Variants in MAN1A2 observed in about 807,000 individuals in gnomAD.
MAN1A2 encodes mannosyl-oligosaccharide 1,2-alpha-mannosidase IB.
In MAN1A2, 26 loss-of-function variants were observed where a neutral mutation model predicts 75.7. The ratio of observed to expected loss-of-function variants is 0.34; its 90% confidence interval spans 0.25 to 0.48. The LOEUF is 0.48. MAN1A2 is among the 20% of genes least tolerant of loss of function. The probability of loss-of-function intolerance (pLI) is 0.99; values close to 1 mark genes in which losing one functional copy is unlikely to be tolerated. For synonymous variants in MAN1A2, 247 were observed against 264.6 expected, an observed-to-expected ratio of 0.93 and a Z score of 0.65; for missense variants, 562 against 775.5, an observed-to-expected ratio of 0.72 and a Z score of 3.27.
At chr1:117,483,460 T>G (rs1191054585) in intron 8 of MAN1A2, among the ~76,000 whole-genome samples, 1 of 152,114 alleles carries the variant, frequency 6.6e-6, no homozygotes, top group African/African-American at 2.4e-5. Flanking sequence ...TTCACATCCC[T>G]TGTAAGTTGG....
Position 117,502,926 on chromosome 1 carries a change from A to T in MAN1A2, c.1749A>T (p.Thr583=). ...AAGATGTATATTCCTCTACTCCTAC[A>T]CATGATGATGTACAGCAGAGCTTTT... ...GVKDVYSSTP[T]HDDVQQSFFL... Residue 583 remains threonine (T), a synonymous_variant, in exon 12 of 13, where the codon ACA becomes ACT. Transcript: ENST00000356554. 5 of 1,607,442 alleles carry T rather than the reference A, an allele frequency of 3.1e-6. No individual in the cohort carries two copies. The highest frequency in any genetic ancestry group is 4.3e-6 in the Non-Finnish European group (5 of 1,176,150).
chr1:117,398,545 G>T (rs1647293218), intron 1 of MAN1A2, among the ~76,000 whole-genome samples: 2 of 152,068 alleles, frequency 1.3e-5, no homozygotes, highest in Admixed American at 6.6e-5. Flanking sequence ...GTGGTGGCGT[G>T]TGCCTGTAGT....
At chr1:117,401,299 C>A (rs533152382) in intron 1 of MAN1A2, among the ~76,000 whole-genome samples, 48 of 152,236 alleles carry the variant, frequency 3.2e-4, no homozygotes, top group African/African-American at 1.1e-3. Context: ...ATTTTACATT[C>A]TCACTAGCAA....
intron 6 of MAN1A2, among the ~76,000 whole-genome samples, chr1:117,446,183 A>G (rs768727319): frequency 6.6e-6 from 1 of 151,322 alleles, no homozygotes; most frequent in Non-Finnish European, 1.5e-5. Flanking sequence ...TTTTCTCTTT[A>G]CTAGTTTAAT....
chr1:117,494,791 C>T (rs968167297), intron 9 of MAN1A2: 1 of 151,882 alleles, frequency 6.6e-6, no homozygotes, highest in Non-Finnish European at 1.5e-5. Context: ...ATTCTTAGAA[C>T]CATATTGTTG....
rs1391654996 is a variant in MAN1A2, at chr1:117,471,861, T to C, written c.1168+5434T>C. ...TATACCATAAGGTGTCATATTCAGA[T>C]ACTGAGAAGAAACCGGATCAGGTTT... On this transcript the variant is annotated intron_variant, in intron 8 of 12. Transcript: ENST00000356554. Among the ~76,000 whole-genome samples, 3 of 151,952 alleles carry C rather than the reference T, an allele frequency of 2.0e-5. No individual in the cohort carries two copies. In the South Asian group the frequency reaches 6.2e-4, roughly 31 times the overall value.
Position 117,429,056 on chromosome 1 carries a change from C to T in MAN1A2, c.855+8407C>T, listed in dbSNP as rs558601580. Among the ~76,000 whole-genome samples, 188 of 147,116 alleles carry T rather than the reference C, an allele frequency of 1.3e-3. 2 individuals carry two copies. The highest frequency in any genetic ancestry group is 3.7e-3 in the African/African-American group (148 of 39,738). On this transcript the variant is annotated intron_variant, in intron 5 of 12. Transcript: ENST00000356554. ...CTGTTTAACAAAGCATATCTTGCAC[C>T]GCCCTTAATCCATTTAACCCTGAGT...
intron 5 of MAN1A2, among the ~76,000 whole-genome samples, chr1:117,426,007 AGGTCTATT>A (rs1648359466): frequency 6.6e-6 from 1 of 152,080 alleles, no homozygotes; most frequent in Non-Finnish European, 1.5e-5. Context: ...TTTATAGTAT[AGGTCTATT>A]GGTAGTGAGT....
At chr1:117,517,408 T>C (rs1350281336) in intron 12 of MAN1A2, among the ~76,000 whole-genome samples, 1 of 152,268 alleles carries the variant, frequency 6.6e-6, no homozygotes, top group East Asian at 1.9e-4. Context: ...ATGATAACTA[T>C]GTTCCCTCTA....
intron 3 of MAN1A2, among the ~76,000 whole-genome samples, chr1:117,413,579 G>A (rs1647891339): frequency 6.6e-6 from 1 of 151,678 alleles, no homozygotes; most frequent in South Asian, 2.1e-4. Context: ...AGAGTTTTGG[G>A]GTATAAATCA....
At chr1:117,460,810 GA>G (rs1649793951) in intron 7 of MAN1A2, among the ~76,000 whole-genome samples, 198 bp downstream of exon 7, 1 of 152,114 alleles carries the variant, frequency 6.6e-6, no homozygotes, top group Non-Finnish European at 1.5e-5. Flanking sequence ...ATTGTTATTT[GA>G]GAAGTTATAA....
At chr1:117,387,645 A>G (rs1653580414) in intron 1 of MAN1A2, among the ~76,000 whole-genome samples, 1 of 151,908 alleles carries the variant, frequency 6.6e-6, no homozygotes, top group Admixed American at 6.6e-5. Context: ...AAGGCTTGGA[A>G]CTCAGGGTTG....
chr1:117,470,113 A>G (rs1217335318), intron 8 of MAN1A2, among the ~76,000 whole-genome samples: 2 of 152,172 alleles, frequency 1.3e-5, no homozygotes, highest in Admixed American at 6.5e-5. Context: ...TAAACATACA[A>G]TGGACTATTA....
At position 117,523,468 on chromosome 1, in the gene MAN1A2, A is replaced by G. The variant is rs1459859701; in HGVS notation, c.*511A>G. 3.8e-6 allele frequency: 1 copy of G among 265,464 alleles called. No individual in the cohort carries two copies. Among genetic ancestry groups the G allele is most frequent in the East Asian group, 1.0e-4 (1 of 9,812 alleles). 16.4% of individuals were successfully genotyped at this position (265,464 alleles called of 1,614,324 possible). On this transcript the variant is annotated 3_prime_UTR_variant, in exon 13 of 13. Transcript: ENST00000356554. ...AAGAACAAAAGAATAGTATAATTAT[A>G]TCAGTAACAAGAAGACTCAAAAAAG...
At chr1:117,388,635 C>T (rs1401660058) in intron 1 of MAN1A2, among the ~76,000 whole-genome samples, 1 of 152,036 alleles carries the variant, frequency 6.6e-6, no homozygotes, top group Non-Finnish European at 1.5e-5. Flanking sequence ...GAGGACAGCA[C>T]CAAGCCATGA....
intron 1 of MAN1A2, among the ~76,000 whole-genome samples, chr1:117,390,639 C>A (rs555317911): frequency 1.1e-3 from 161 of 151,648 alleles, no homozygotes; most frequent in Non-Finnish European, 1.7e-3. Flanking sequence ...TTATTATTTT[C>A]TTTCTTCTTC....
chr1:117,469,637 C>T (rs888670083), intron 8 of MAN1A2, among the ~76,000 whole-genome samples: 4 of 152,038 alleles, frequency 2.6e-5, no homozygotes, highest in African/African-American at 9.7e-5. Flanking sequence ...ACCTACAACT[C>T]AACAACAGAA....
chr1:117,517,423 A>G (rs1651745284), intron 12 of MAN1A2, among the ~76,000 whole-genome samples: 1 of 152,174 alleles, frequency 6.6e-6, no homozygotes, highest in Admixed American at 6.6e-5. Flanking sequence ...CCTCTATTCA[A>G]AAAGTTGAGA....
chr1:117,384,327 C>A (rs1557928111), intron 1 of MAN1A2, among the ~76,000 whole-genome samples: 1 of 152,068 alleles, frequency 6.6e-6, no homozygotes, highest in Non-Finnish European at 1.5e-5. Flanking sequence ...CTTCATTTAT[C>A]TGTATTTTCT....
Sources: allele counts gnomAD v4.1 joint callset (sites outside exome capture counted in the v4.1 genomes callset), GRCh38; gene constraint gnomAD v4.1.1; transcripts MANE v1.5; gene names NCBI Gene and HGNC (gene_info 2026-07-23, HGNC 2026-07-21).